The following KALRN variants were observed in gnomAD, a reference collection of about 807,000 sequenced individuals.
The protein encoded by KALRN is kalirin.
In KALRN, 70 loss-of-function variants were observed where a neutral mutation model predicts 353.7. That is an observed-to-expected ratio of 0.20 (90% CI 0.16 to 0.24). The LOEUF (loss-of-function observed/expected upper bound fraction) is 0.24, where lower values mean the gene tolerates loss of function less well. Ranked by LOEUF, KALRN falls within the 10% of genes least tolerant of loss-of-function variation. The pLI, the probability that KALRN is intolerant of heterozygous loss-of-function variation, is 1.00. For synonymous variants in KALRN, 1,391 were observed against 1,434.8 expected (o/e 0.97, Z 0.69); for missense variants, 2,791 against 3,756.7 (o/e 0.74, Z 6.72).
At chr3:124,673,443 CATATA>C (rs1227505974) in intron 48 of KALRN, among the ~76,000 whole-genome samples, 8 of 145,994 alleles carry the variant, frequency 5.5e-5, no homozygotes, top group Non-Finnish European at 1.2e-4. Flanking sequence ...TATGTATATA[CATATA>C]GAATATATAT....
At chr3:124,383,745 T>TG in intron 10 of KALRN, among the ~76,000 whole-genome samples, 1 of 152,178 alleles carries the variant, frequency 6.6e-6, no homozygotes, top group Non-Finnish European at 1.5e-5. Flanking sequence ...TGAATTTGAG[T>TG]GGGGGGCACA....
intron 3 of KALRN, among the ~76,000 whole-genome samples, chr3:124,246,842 G>A (rs1055888891): frequency 3.3e-5 from 5 of 152,138 alleles, no homozygotes; most frequent in African/African-American, 1.2e-4. Context: ...GTTAAATTTA[G>A]CTGGGATTCA....
intron 15 of KALRN, 98 bp downstream of exon 15, chr3:124,423,076 G>A (rs1251919262): frequency 1.7e-6 from 2 of 1,178,136 alleles, no homozygotes; most frequent in Admixed American, 2.4e-5. Context: ...CAGAGCCACA[G>A]GTGCCCCTTT....
chr3:124,342,669 G>A (rs757709302), intron 9 of KALRN, among the ~76,000 whole-genome samples: 1 of 152,152 alleles, frequency 6.6e-6, no homozygotes, highest in Non-Finnish European at 1.5e-5. Context: ...AAGCCTTAGT[G>A]TATAAATTAC....
intron 33 of KALRN, chr3:124,519,947 A>T (rs1338788597): frequency 2.2e-6 from 2 of 919,232 alleles, no homozygotes; most frequent in Non-Finnish European, 2.6e-6. Context: ...TTCCAGAAAG[A>T]TCTGTCAAGC....
chr3:124,415,611 T>G (rs532754852), intron 14 of KALRN, among the ~76,000 whole-genome samples: 1 of 152,288 alleles, frequency 6.6e-6, no homozygotes, highest in African/African-American at 2.4e-5. Flanking sequence ...GCTTCAATAG[T>G]CTAAGGGTCA....
intron 15 of KALRN, among the ~76,000 whole-genome samples, chr3:124,428,069 A>C (rs1276173602): frequency 6.6e-6 from 1 of 152,196 alleles, no homozygotes; most frequent in South Asian, 2.1e-4. Context: ...TTCTCATTTT[A>C]ATTATGATGT....
chr3:124,379,035 T>G (rs1437481539), intron 10 of KALRN, among the ~76,000 whole-genome samples: 3 of 152,072 alleles, frequency 2.0e-5, no homozygotes, highest in Admixed American at 6.6e-5. Context: ...GAATCTCAAT[T>G]ACATGGATAT....
intron 25 of KALRN, among the ~76,000 whole-genome samples, chr3:124,465,284 G>A (rs2060222126): frequency 6.6e-6 from 1 of 152,100 alleles, no homozygotes; most frequent in South Asian, 2.1e-4. Context: ...TGCAGGAATT[G>A]TAAACTCTAA....
At chr3:124,369,744 C>A (rs2085562557) in intron 10 of KALRN, among the ~76,000 whole-genome samples, 1 of 149,630 alleles carries the variant, frequency 6.7e-6, no homozygotes, top group African/African-American at 2.5e-5. Context: ...CTCCCCAACT[C>A]CCCCGCCTCA....
chr3:124,287,492 C>T (rs892131929), intron 5 of KALRN, among the ~76,000 whole-genome samples: 9 of 151,458 alleles, frequency 5.9e-5, no homozygotes, highest in African/African-American at 1.5e-4. Context: ...TCTACTTCTC[C>T]GCTCCACAGT....
At chr3:124,065,702 G>A (rs1457664036) in intron 1 of KALRN, among the ~76,000 whole-genome samples, 4 of 150,946 alleles carry the variant, frequency 2.6e-5, no homozygotes, top group African/African-American at 7.3e-5. Flanking sequence ...GTGGCATGTG[G>A]TTTTAACCTA....
Position 124,129,953 on chromosome 3 carries a change from C to T in KALRN, c.73+96140C>T, listed in dbSNP as rs73860313. ...CAAGGAACTTCCAGAATGTCTAGCT[C>T]GGTAACAGAATATGTGCTTTATAAA... On this transcript the variant is annotated intron_variant, in intron 1 of 59. Transcript: ENST00000682506. Among the ~76,000 whole-genome samples, 239 of 152,270 alleles carry T rather than the reference C, an allele frequency of 1.6e-3. 1 individual carries two copies. The highest frequency in any genetic ancestry group is 5.4e-3 in the African/African-American group (226 of 41,546).
intron 33 of KALRN, among the ~76,000 whole-genome samples, chr3:124,503,970 C>T (rs1305255838): frequency 9.2e-5 from 14 of 152,206 alleles, no homozygotes; most frequent in Non-Finnish European, 1.9e-4. Flanking sequence ...AATTGCCAAT[C>T]GTCTGCAAAA....
chr3:124,142,156 C>G (rs2066704743), intron 1 of KALRN, among the ~76,000 whole-genome samples: 1 of 152,196 alleles, frequency 6.6e-6, no homozygotes, highest in Admixed American at 6.5e-5. Flanking sequence ...GATCCTGTGG[C>G]ATGTACAGTG....
intron 34 of KALRN, among the ~76,000 whole-genome samples, chr3:124,596,679 T>C (rs1320260914): frequency 6.6e-6 from 1 of 152,186 alleles, no homozygotes; most frequent in Admixed American, 6.5e-5. Flanking sequence ...AAGGCTTAGG[T>C]GAGTTGATGT....
In KALRN at chr3:124,722,908, A is replaced by G. The variant is rs764257398; in HGVS notation, c.*3438A>G. On this transcript the variant is annotated 3_prime_UTR_variant, in exon 60 of 60. Transcript: ENST00000682506. ...GTTTTGTTTTGTAAGGGTGGGATAC[A>G]GAAAGAATGAAAAGATCAGGGACAA... is the stretch of plus-strand genomic sequence containing the variant. 2.2e-4 allele frequency: 34 copies of G among 152,258 alleles called. No homozygotes were observed. The highest frequency in any genetic ancestry group is 1.2e-4 in the Non-Finnish European group (8 of 68,046). 9.4% of individuals were successfully genotyped at this position (152,258 alleles called of 1,614,324 possible).
At chr3:124,147,337 T>G (rs930498801) in intron 1 of KALRN, among the ~76,000 whole-genome samples, 1 of 152,170 alleles carries the variant, frequency 6.6e-6, no homozygotes, top group Non-Finnish European at 1.5e-5. Flanking sequence ...AAGCAAGTGC[T>G]TATGGAAGAT....
intron 1 of KALRN, among the ~76,000 whole-genome samples, chr3:124,092,877 A>G (rs1010802648): frequency 1.3e-5 from 2 of 152,196 alleles, no homozygotes; most frequent in African/African-American, 4.8e-5. Context: ...CATGTGAGCG[A>G]TGGATTCTTG....
Sources: gnomAD v4.1 joint callset for allele counts (sites outside exome capture counted in the v4.1 genomes callset) on GRCh38, gnomAD v4.1.1 for gene constraint, MANE v1.5 for transcripts, NCBI Gene and HGNC (gene_info 2026-07-23, HGNC 2026-07-21) for gene names.